The following STX8 variants were observed in gnomAD, a reference collection of about 807,000 sequenced individuals.
STX8 encodes syntaxin 8.
STX8 carries 23 observed loss-of-function variants against 37.5 expected under a neutral mutation model. The ratio of observed to expected loss-of-function variants is 0.61; its 90% CI spans 0.44 to 0.87. The LOEUF (loss-of-function observed/expected upper bound fraction) is 0.87. Among genes scored for constraint, STX8 ranks in the 40% least tolerant of loss-of-function variants. STX8 has a pLI of 0.00. For missense variants in STX8, 313 were observed against 284.7 expected, an observed-to-expected ratio of 1.10 and a Z score of -0.71; for synonymous variants, 115 against 99.1, an observed-to-expected ratio of 1.16 and a Z score of -0.95.
At chr17:9,484,661 CAA>C (rs61165957) in intron 6 of STX8, among the ~76,000 whole-genome samples, 3 of 131,556 alleles carry the variant, frequency 2.3e-5, no homozygotes, top group Non-Finnish European at 3.2e-5. Flanking sequence ...ACTAAAAATA[CAA>C]AAAAAAAAAA....
chr17:9,365,779 C>T (rs1453020956), intron 7 of STX8, among the ~76,000 whole-genome samples: 1 of 152,212 alleles, frequency 6.6e-6, no homozygotes, highest in Admixed American at 6.5e-5. Flanking sequence ...CGAGACCAGC[C>T]TGACCAACAG....
intron 7 of STX8, among the ~76,000 whole-genome samples, chr17:9,253,837 A>G (rs1383010519): frequency 6.6e-6 from 1 of 152,144 alleles, no homozygotes; most frequent in Non-Finnish European, 1.5e-5. Flanking sequence ...GAGCGGAGCA[A>G]GTGACAAGAA....
At chr17:9,453,366 T>C (rs1905100313) in intron 6 of STX8, among the ~76,000 whole-genome samples, 1 of 152,120 alleles carries the variant, frequency 6.6e-6, no homozygotes, top group Non-Finnish European at 1.5e-5. Context: ...AACACCAATT[T>C]ATAATCTAAT....
chr17:9,337,162 C>T (rs188145775), intron 7 of STX8, among the ~76,000 whole-genome samples: 2 of 152,210 alleles, frequency 1.3e-5, no homozygotes, highest in East Asian at 3.9e-4. Context: ...GGAAAATATA[C>T]ATCCATTTAA....
In STX8 at chr17:9,388,070, A is replaced by ATT. The variant is rs573146328; in HGVS notation, c.542-9419_542-9418dup. Reference sequence around the variant, plus strand: ...TTAGTTGTTGTTTCTAAACAACTCTATTTTTTTTTTTTTTTTTTGAGACAT... The same window carrying ATT: ...TTAGTTGTTGTTTCTAAACAACTCTATTTTTTTTTTTTTTTTTTTTGAGACAT... On this transcript the variant is annotated intron_variant, in intron 6 of 7. Coordinates refer to ENST00000306357, the MANE Select transcript of STX8 (RefSeq NM_004853.3). 4.7e-4 allele frequency among the ~76,000 whole-genome samples: 61 copies of ATT among 130,316 alleles called. 1 individual carries two copies. The highest frequency in any genetic ancestry group is 1.1e-3 in the East Asian group (5 of 4,472). The allele number at this position is 130,316 out of a possible 152,430, so 85.5% of individuals were successfully genotyped here. A position where few individuals can be genotyped will look rare whatever the true frequency, so the allele number is the denominator to read the frequency against.
chr17:9,312,671 C>T (rs369262402), intron 7 of STX8, among the ~76,000 whole-genome samples: 10 of 152,226 alleles, frequency 6.6e-5, no homozygotes, highest in Middle Eastern at 3.4e-3. Flanking sequence ...AATTATGAGA[C>T]GGAAGGTCAC....
intron 7 of STX8, among the ~76,000 whole-genome samples, chr17:9,314,087 T>G (rs1372356448): frequency 6.6e-6 from 1 of 152,224 alleles, no homozygotes; most frequent in Non-Finnish European, 1.5e-5. Context: ...CTAAGCTTTC[T>G]AAGGCAGTGT....
chr17:9,269,239 G>A (rs1362341832), intron 7 of STX8, among the ~76,000 whole-genome samples: 2 of 152,024 alleles, frequency 1.3e-5, no homozygotes, highest in Non-Finnish European at 1.5e-5. Context: ...CTGTGGCAGA[G>A]TGGAAAGACT....
At chr17:9,485,672 ACCTCCCAG>A (rs1906563110) in intron 6 of STX8, among the ~76,000 whole-genome samples, 3 of 149,226 alleles carry the variant, frequency 2.0e-5, no homozygotes, top group African/African-American at 7.5e-5. Flanking sequence ...TGCAACCTCC[ACCTCCCAG>A]GTTCAAGTGA....
intron 7 of STX8, among the ~76,000 whole-genome samples, chr17:9,319,631 GA>G (rs1909506449): frequency 6.6e-6 from 1 of 152,050 alleles, no homozygotes; most frequent in Non-Finnish European, 1.5e-5. Flanking sequence ...GAAAAAGGAA[GA>G]TTCGGTTCAG....
At chr17:9,253,258 A>C (rs1375640713) in intron 7 of STX8, among the ~76,000 whole-genome samples, 2 of 135,254 alleles carry the variant, frequency 1.5e-5, no homozygotes, top group African/African-American at 5.5e-5. Flanking sequence ...ATCTTAGTCC[A>C]TCTGCAGTGA....
At chr17:9,250,719 C>T in intron 7 of STX8, 74 bp from the exon 8 acceptor site, 1 of 1,410,632 alleles carries the variant, frequency 7.1e-7, no homozygotes, top group African/African-American at 1.4e-5. Flanking sequence ...TGAGTGTCTG[C>T]AGAGACTCAG....
intron 6 of STX8, among the ~76,000 whole-genome samples, chr17:9,434,805 T>C (rs79767866): frequency 0.017 from 2,519 of 152,306 alleles, 26 homozygotes; most frequent in Non-Finnish European, 0.026. Context: ...TATCTACTTT[T>C]AGTTGCATGC....
chr17:9,433,688 G>C (rs187635901), intron 6 of STX8, among the ~76,000 whole-genome samples: 1 of 151,916 alleles, frequency 6.6e-6, no homozygotes, highest in East Asian at 1.9e-4. Flanking sequence ...TACTTCAGGG[G>C]GTCACAGATA....
rs1906519111 is a variant in STX8 at position 9,484,937 on chromosome 17, C to T, written c.541+6892G>A. On this transcript the variant is annotated intron_variant, in intron 6 of 7. Coordinates refer to ENST00000306357, the MANE Select transcript of STX8 (RefSeq NM_004853.3). ...ATTCTAGTGACAGGGAATGCAATGA[C>T]TAGATCATTGAGAACTAGTGTGGAC... Among the ~76,000 whole-genome samples, 5 of 152,238 alleles carry T rather than the reference C, an allele frequency of 3.3e-5. No individual in the cohort carries two copies. In the South Asian group the frequency reaches 1.0e-3, roughly 32 times the overall value.
chr17:9,405,417 A>G lies in STX8; in HGVS notation c.542-26764T>C, dbSNP rs548777747. Among the ~76,000 whole-genome samples, 49 of 152,168 alleles carry G rather than the reference A, an allele frequency of 3.2e-4. 1 individual carries two copies. Among genetic ancestry groups the G allele is most frequent in the African/African-American group, 1.1e-3 (46 of 41,518 alleles). On this transcript the variant is annotated intron_variant, in intron 6 of 7. Transcript: ENST00000306357. ...AAAGGCAGTCCCCTACTGGTAAGGT[A>G]CTCCCTGACTTCAGGGACAAAGCAT...
chr17:9,539,999 G>A (rs1906212878), intron 4 of STX8, among the ~76,000 whole-genome samples: 1 of 152,188 alleles, frequency 6.6e-6, no homozygotes, highest in Non-Finnish European at 1.5e-5. Context: ...CTGAATTAAA[G>A]TCCTTGGAAG....
chr17:9,455,500 A>C (rs1407707430), intron 6 of STX8, among the ~76,000 whole-genome samples: 1 of 152,214 alleles, frequency 6.6e-6, no homozygotes, highest in African/African-American at 2.4e-5. Context: ...ACTCTGTCTC[A>C]AAAATCAATC....
intron 6 of STX8, among the ~76,000 whole-genome samples, chr17:9,481,543 CT>C (rs1193363536): frequency 1.3e-5 from 2 of 152,218 alleles, no homozygotes; most frequent in Non-Finnish European, 2.9e-5. Context: ...AACCCCTCCC[CT>C]GGTCTAACAT....
Sources: gnomAD v4.1 joint callset for allele counts (sites outside exome capture counted in the v4.1 genomes callset) on GRCh38, gnomAD v4.1.1 for gene constraint, MANE v1.5 for transcripts, NCBI Gene and HGNC (gene_info 2026-07-23, HGNC 2026-07-21) for gene names.